SGIP1: variants seen among roughly 807,000 people sequenced by gnomAD.
The protein encoded by SGIP1 is SH3GL interacting endocytic adaptor 1.
In SGIP1, 38 loss-of-function variants were observed where a neutral mutation model predicts 107.5. The observed-to-expected ratio is 0.35, with a 90% confidence interval of 0.27 to 0.46. The LOEUF is 0.46. Among genes scored for constraint, SGIP1 ranks in the 20% least tolerant of loss-of-function variants. The probability of loss-of-function intolerance (pLI) is 1.00; values close to 1 mark genes in which losing one functional copy is unlikely to be tolerated. For synonymous variants in SGIP1, 365 were observed against 366.1 expected, an observed-to-expected ratio of 1.00 and a Z score of 0.03; for missense variants, 929 against 1,019.5, an observed-to-expected ratio of 0.91 and a Z score of 1.21.
intron 12 of SGIP1, 73 bp downstream of exon 12, chr1:66,673,439 G>A (rs2084358966): frequency 1.5e-6 from 2 of 1,317,160 alleles, no homozygotes; most frequent in Non-Finnish European, 2.1e-6. Context: ...TAGATTAAAT[G>A]TATGTATTTT....
At chr1:66,588,788 T>A (rs2063098122) in intron 1 of SGIP1, among the ~76,000 whole-genome samples, 2 of 152,006 alleles carry the variant, frequency 1.3e-5, no homozygotes, top group South Asian at 4.1e-4. Context: ...TGTGTCTTAT[T>A]CTTTGCAGAT....
At chr1:66,640,071 A>G (rs1266404428) in intron 5 of SGIP1, among the ~76,000 whole-genome samples, 1 of 152,068 alleles carries the variant, frequency 6.6e-6, no homozygotes, top group Admixed American at 6.6e-5. Flanking sequence ...ATTTTAGCTG[A>G]TCAGCTATTG....
chr1:66,642,315 A>C (rs964813712), intron 5 of SGIP1, among the ~76,000 whole-genome samples: 6 of 152,070 alleles, frequency 3.9e-5, no homozygotes, highest in African/African-American at 1.4e-4. Context: ...ACCACCTAGA[A>C]GGAGCTCCTA....
intron 18 of SGIP1, among the ~76,000 whole-genome samples, chr1:66,698,095 C>T (rs6659325): frequency 0.26 from 40,274 of 151,996 alleles, 5,584 homozygotes; most frequent in South Asian, 0.32. Flanking sequence ...TCATTTTGTT[C>T]TTACAATGCT....
chr1:66,708,044 C>T (rs1429222017), intron 18 of SGIP1, among the ~76,000 whole-genome samples: 2 of 152,136 alleles, frequency 1.3e-5, no homozygotes, highest in Non-Finnish European at 2.9e-5. Context: ...AGCTAGATCT[C>T]GGATCACAAC....
At chr1:66,638,473 TG>T (rs1224339783) in intron 4 of SGIP1, among the ~76,000 whole-genome samples, 1 of 152,194 alleles carries the variant, frequency 6.6e-6, no homozygotes, top group Non-Finnish European at 1.5e-5. Context: ...ATGTCAGAAG[TG>T]GGACAAAGAG....
At chr1:66,728,873 T>C (rs1223062803) in intron 19 of SGIP1, among the ~76,000 whole-genome samples, 3 of 152,070 alleles carry the variant, frequency 2.0e-5, no homozygotes, top group African/African-American at 7.2e-5. Context: ...AAACACCACA[T>C]GTTCTCACTT....
intron 18 of SGIP1, among the ~76,000 whole-genome samples, chr1:66,709,942 A>C (rs966673595): frequency 6.6e-6 from 1 of 151,994 alleles, no homozygotes; most frequent in Non-Finnish European, 1.5e-5. Flanking sequence ...ATAGAGATAC[A>C]TTTTTATATG....
intron 7 of SGIP1, among the ~76,000 whole-genome samples, chr1:66,657,546 G>A (rs2080032112): frequency 3.9e-5 from 6 of 152,110 alleles, no homozygotes; most frequent in Admixed American, 3.9e-4. Context: ...GTGCATACTT[G>A]CATTTTACCA....
intron 9 of SGIP1, among the ~76,000 whole-genome samples, chr1:66,669,206 A>G (rs1426558621): frequency 6.6e-6 from 1 of 152,246 alleles, no homozygotes; most frequent in East Asian, 1.9e-4. Flanking sequence ...ACTATTTAAT[A>G]AAAATGTTAC....
chr1:66,678,563 C>G (rs1180086103), intron 13 of SGIP1, among the ~76,000 whole-genome samples: 1 of 152,114 alleles, frequency 6.6e-6, no homozygotes, highest in Non-Finnish European at 1.5e-5. Context: ...CTCTTAACTT[C>G]TGTGGGAAAA....
chr1:66,686,451 A>C (rs1027690722), intron 15 of SGIP1, among the ~76,000 whole-genome samples: 5 of 152,164 alleles, frequency 3.3e-5, no homozygotes, highest in Non-Finnish European at 7.4e-5. Context: ...ATTTTCCAGC[A>C]TTGTTCTGGA....
At chr1:66,699,313 T>C (rs2091515082) in intron 18 of SGIP1, among the ~76,000 whole-genome samples, 1 of 152,166 alleles carries the variant, frequency 6.6e-6, no homozygotes, top group Admixed American at 6.5e-5. Flanking sequence ...AGCCGTCTGA[T>C]AATTCCACCC....
At chr1:66,663,212 C>A (rs188516630) in intron 8 of SGIP1, among the ~76,000 whole-genome samples, 2 of 152,182 alleles carry the variant, frequency 1.3e-5, no homozygotes, top group Admixed American at 1.3e-4. Context: ...ACTCCCAGCA[C>A]CCCCTCCCCA....
At chr1:66,571,634 A>G (rs986974106) in intron 1 of SGIP1, among the ~76,000 whole-genome samples, 1 of 152,016 alleles carries the variant, frequency 6.6e-6, no homozygotes, top group African/African-American at 2.4e-5. Context: ...AAAATTGTTC[A>G]GTCATGTAAC....
At chr1:66,684,015 C>A in intron 15 of SGIP1, 1 of 1,515,604 alleles carries the variant, frequency 6.6e-7, no homozygotes, top group African/African-American at 1.4e-5. Context: ...CCGCGCCCAG[C>A]CCTAAATGCT....
intron 18 of SGIP1, among the ~76,000 whole-genome samples, chr1:66,700,168 C>T (rs1229337960): frequency 6.6e-6 from 1 of 152,064 alleles, no homozygotes; most frequent in African/African-American, 2.4e-5. Flanking sequence ...GTCAGGAGTT[C>T]AAGACCAGCA....
chr1:66,642,994 G>T (rs2077048621), intron 6 of SGIP1, 130 bp downstream of exon 6: 2 of 711,274 alleles, frequency 2.8e-6, no homozygotes, highest in Non-Finnish European at 2.2e-6. Flanking sequence ...TATTAGAGAT[G>T]AATAAACAGC....
intron 20 of SGIP1, among the ~76,000 whole-genome samples, chr1:66,733,160 C>A (rs77865213): frequency 0.01 from 1,548 of 152,256 alleles, 15 homozygotes; most frequent in Non-Finnish European, 0.013. Context: ...CATTTAAACT[C>A]CAGGATCATC....
Sources: allele counts gnomAD v4.1 joint callset (sites outside exome capture counted in the v4.1 genomes callset), GRCh38; gene constraint gnomAD v4.1.1; transcripts MANE v1.5; gene names NCBI Gene and HGNC (gene_info 2026-07-23, HGNC 2026-07-21).